TMEM117: variants seen among roughly 807,000 people sequenced by gnomAD.
TMEM117 encodes transmembrane protein 117.
Under a neutral mutation model 52.4 loss-of-function variants are expected in TMEM117, and 27 were observed. The observed-to-expected ratio is 0.51, with a 90% CI of 0.38 to 0.71. TMEM117 has a LOEUF of 0.71. Among genes scored for constraint, TMEM117 ranks in the 30% least tolerant of loss-of-function variants. The probability of loss-of-function intolerance (pLI) is 0.00; values close to 1 mark genes in which losing one functional copy is unlikely to be tolerated. For missense variants in TMEM117, 556 were observed against 630.5 expected, an observed-to-expected ratio of 0.88 and a Z score of 1.26; for synonymous variants, 215 against 206.3, an observed-to-expected ratio of 1.04 and a Z score of -0.36.
At chr12:43,855,795 T>G (rs1943390011) in intron 2 of TMEM117, among the ~76,000 whole-genome samples, 1 of 152,246 alleles carries the variant, frequency 6.6e-6, no homozygotes, top group African/African-American at 2.4e-5. Flanking sequence ...TCTATTTTCT[T>G]AGCTTTAAGC....
chr12:43,897,769 G>A (rs1025398696), intron 2 of TMEM117, among the ~76,000 whole-genome samples: 1 of 82,064 alleles, frequency 1.2e-5, no homozygotes, highest in Non-Finnish European at 3.0e-5. Flanking sequence ...ACCATGCCCA[G>A]CTAATTTTTG....
At chr12:44,077,984 A>AT (rs577909061) in intron 3 of TMEM117, among the ~76,000 whole-genome samples, 4 of 152,024 alleles carry the variant, frequency 2.6e-5, no homozygotes, top group South Asian at 2.1e-4. Flanking sequence ...AAATACCAGT[A>AT]TTTTTTTTGA....
intron 5 of TMEM117, among the ~76,000 whole-genome samples, chr12:44,293,870 T>C (rs986852087): frequency 2.6e-5 from 4 of 152,202 alleles, no homozygotes; most frequent in Non-Finnish European, 4.4e-5. Flanking sequence ...AACTTGACTA[T>C]ATTTTTAACT....
chr12:43,933,627 G>C (rs1393185845), intron 2 of TMEM117, among the ~76,000 whole-genome samples: 1 of 151,690 alleles, frequency 6.6e-6, no homozygotes, highest in East Asian at 2.0e-4. Flanking sequence ...TCAGTGATGT[G>C]ATCTCGGCTC....
At chr12:44,054,935 T>A (rs1947031059) in intron 3 of TMEM117, among the ~76,000 whole-genome samples, 1 of 152,112 alleles carries the variant, frequency 6.6e-6, no homozygotes, top group East Asian at 1.9e-4. Context: ...ACTGGTCTTA[T>A]TCTAAAAGAA....
chr12:43,797,232 G>A, the TMEM117 span: 17 of 1,495,758 alleles, frequency 1.1e-5, no homozygotes, highest in Admixed American at 3.6e-4. Flanking sequence ...CAAGAAATAA[G>A]TAAGAATATA....
At position 43,944,390 on chromosome 12, in the gene TMEM117, C is replaced by T. The variant is rs984737378; in HGVS notation, c.410+48C>T. 3 of 1,549,512 alleles carry T rather than the reference C, an allele frequency of 1.9e-6. No homozygotes were observed. In the African/African-American group the frequency reaches 4.2e-5, roughly 21 times the overall value. ...ACTGTGGTGAGTGTTATGTTTGAAA[C>T]TTGTAAGAATTTAAGAGTTTTTTAG... is the stretch of plus-strand genomic sequence containing the variant. On this transcript the variant is annotated intron_variant, in intron 3 of 7. Transcript: ENST00000266534.
chr12:44,299,293 G>T (rs888413460), intron 5 of TMEM117, among the ~76,000 whole-genome samples: 2 of 152,010 alleles, frequency 1.3e-5, no homozygotes. Flanking sequence ...ACTGCGTTTG[G>T]CTAATTTTTT....
chr12:44,366,954 G>A (rs949813343), intron 6 of TMEM117, among the ~76,000 whole-genome samples: 1 of 152,084 alleles, frequency 6.6e-6, no homozygotes, highest in African/African-American at 2.4e-5. Flanking sequence ...AATAGATACT[G>A]CCCAATCAGA....
chr12:44,207,159 T>C (rs574505666), intron 4 of TMEM117, among the ~76,000 whole-genome samples: 1 of 152,328 alleles, frequency 6.6e-6, no homozygotes, highest in Non-Finnish European at 1.5e-5. Flanking sequence ...TGTTTATTGA[T>C]AGAATAACAT....
chr12:44,373,553 C>A (rs1951894689), intron 6 of TMEM117, among the ~76,000 whole-genome samples: 1 of 152,142 alleles, frequency 6.6e-6, no homozygotes, highest in African/African-American at 2.4e-5. Context: ...AGGAAATAAA[C>A]CATTTTTGTT....
chr12:44,398,089 T>G, the TMEM117 span, among the ~76,000 whole-genome samples: 1 of 148,208 alleles, frequency 6.7e-6, no homozygotes, highest in Non-Finnish European at 1.5e-5. Flanking sequence ...TTGTTTTTTT[T>G]TTTTGTTTGT....
intron 6 of TMEM117, among the ~76,000 whole-genome samples, chr12:44,356,345 T>C (rs1951648187): frequency 6.6e-6 from 1 of 152,156 alleles, no homozygotes; most frequent in South Asian, 2.1e-4. Flanking sequence ...ATTTTGTTTA[T>C]ATTGCTGTCT....
At chr12:43,806,321 G>A in the TMEM117 span, 6 of 1,344,822 alleles carry the variant, frequency 4.5e-6, no homozygotes, top group Non-Finnish European at 5.7e-6. Context: ...GGAAGTGGCT[G>A]CTCCTCCGCC....
chr12:44,194,866 G>A (rs1419898385), intron 4 of TMEM117, among the ~76,000 whole-genome samples: 1 of 152,074 alleles, frequency 6.6e-6, no homozygotes, highest in Admixed American at 6.6e-5. Context: ...AAAGCACAAA[G>A]AAAAGTTTGA....
At chr12:43,825,665 G>C in the TMEM117 span, among the ~76,000 whole-genome samples, 1 of 152,048 alleles carries the variant, frequency 6.6e-6, no homozygotes, top group Non-Finnish European at 1.5e-5. Flanking sequence ...TATAGGAAGA[G>C]CAGTAACATG....
At chr12:43,805,618 C>G in the TMEM117 span, 1 of 482,910 alleles carries the variant, frequency 2.1e-6, no homozygotes, top group South Asian at 1.5e-5. Context: ...CCATACAGAT[C>G]AGTTTCCCTT....
intron 3 of TMEM117, among the ~76,000 whole-genome samples, chr12:43,962,266 A>T (rs1945416358): frequency 6.6e-6 from 1 of 152,086 alleles, no homozygotes; most frequent in African/African-American, 2.4e-5. Context: ...TCTCTATTTC[A>T]TTTGCCTTTA....
chr12:44,394,377 A>G (rs1952172666), downstream of TMEM117, among the ~76,000 whole-genome samples: 2 of 152,226 alleles, frequency 1.3e-5, no homozygotes, highest in African/African-American at 4.8e-5. Flanking sequence ...CCAGCTTTCA[A>G]CAGAACCCCC....
Sources: allele counts gnomAD v4.1 joint callset (sites outside exome capture counted in the v4.1 genomes callset), GRCh38; gene constraint gnomAD v4.1.1; transcripts MANE v1.5; gene names NCBI Gene and HGNC (gene_info 2026-07-23, HGNC 2026-07-21).